TTC28: variants seen among roughly 807,000 people sequenced by gnomAD.
TTC28 encodes tetratricopeptide repeat domain 28.
A neutral mutation model predicts 198.0 loss-of-function variants in TTC28; 61 were observed. That is an observed-to-expected ratio of 0.31 (90% CI 0.25 to 0.38). TTC28 has a LOEUF of 0.38. TTC28 is among the 10% of genes least tolerant of loss of function. The pLI is 1.00. For synonymous variants in TTC28, 1,171 were observed against 1,297.8 expected (o/e 0.90, Z 2.10); for missense variants, 2,678 against 3,164.0 (o/e 0.85, Z 3.69).
At chr22:28,237,057 C>T (rs896725823) in intron 5 of TTC28, among the ~76,000 whole-genome samples, 4 of 152,082 alleles carry the variant, frequency 2.6e-5, no homozygotes, top group Non-Finnish European at 5.9e-5. Context: ...CTTTATCCTG[C>T]CTTCTTCTGG....
intron 5 of TTC28, among the ~76,000 whole-genome samples, chr22:28,200,637 C>A (rs1007262563): frequency 6.6e-6 from 1 of 152,082 alleles, no homozygotes; most frequent in Non-Finnish European, 1.5e-5. Flanking sequence ...GATAGCTCCA[C>A]TGAGAACATA....
chr22:28,468,545 C>T (rs1409322364), intron 2 of TTC28, among the ~76,000 whole-genome samples: 1 of 150,988 alleles, frequency 6.6e-6, no homozygotes, highest in African/African-American at 2.4e-5. Context: ...GAGACAGAGT[C>T]TCACTCTGTC....
At chr22:28,111,598 T>C (rs2146913285) in intron 6 of TTC28, among the ~76,000 whole-genome samples, 1 of 152,274 alleles carries the variant, frequency 6.6e-6, no homozygotes, top group Admixed American at 6.5e-5. Flanking sequence ...ATTTTTTAAA[T>C]TAGGGTCAAA....
chr22:28,524,530 C>T (rs2048972332), intron 2 of TTC28, among the ~76,000 whole-genome samples: 1 of 151,620 alleles, frequency 6.6e-6, no homozygotes. Flanking sequence ...AATCCCAGCA[C>T]TTTGGGAGGC....
intron 21 of TTC28, among the ~76,000 whole-genome samples, chr22:27,987,243 A>C (rs1169615368): frequency 6.6e-6 from 1 of 152,240 alleles, no homozygotes; most frequent in Middle Eastern, 3.2e-3. Context: ...TGGAACATCA[A>C]CTAAAGTCCC....
At chr22:28,457,309 C>T (rs1032258014) in intron 2 of TTC28, among the ~76,000 whole-genome samples, 1 of 152,166 alleles carries the variant, frequency 6.6e-6, no homozygotes, top group Admixed American at 6.5e-5. Context: ...CATCAACAAC[C>T]AGTGCATAAC....
At chr22:28,054,071 G>C (rs1940184494) in intron 12 of TTC28, among the ~76,000 whole-genome samples, 1 of 152,286 alleles carries the variant, frequency 6.6e-6, no homozygotes, top group Non-Finnish European at 1.5e-5. Flanking sequence ...ACCCCATATG[G>C]GGAAGAAAGG....
At chr22:28,451,223 G>A (rs936133617) in intron 2 of TTC28, among the ~76,000 whole-genome samples, 1 of 152,234 alleles carries the variant, frequency 6.6e-6, no homozygotes. Context: ...ACCAGACAGA[G>A]TGACGGGATA....
At chr22:28,440,301 A>G (rs1157170667) in intron 2 of TTC28, among the ~76,000 whole-genome samples, 2 of 152,118 alleles carry the variant, frequency 1.3e-5, no homozygotes, top group Non-Finnish European at 2.9e-5. Flanking sequence ...GAACATGATT[A>G]ATTTTGTTCT....
intron 2 of TTC28, among the ~76,000 whole-genome samples, chr22:28,536,220 A>AAC (rs1569007863): frequency 3.6e-5 from 3 of 82,360 alleles, no homozygotes; most frequent in African/African-American, 1.4e-4. Context: ...AAAAAAAAAA[A>AAC]CATAAAAATA....
At chr22:28,430,060 T>TA (rs2047409339) in intron 2 of TTC28, among the ~76,000 whole-genome samples, 3 of 148,462 alleles carry the variant, frequency 2.0e-5, no homozygotes, top group Middle Eastern at 3.4e-3. Context: ...TTTTTTTTTT[T>TA]AGTGAAGACT....
chr22:28,065,026 A>G (rs1423187670), intron 12 of TTC28, among the ~76,000 whole-genome samples: 2 of 152,202 alleles, frequency 1.3e-5, no homozygotes, highest in African/African-American at 4.8e-5. Context: ...GATACATTAT[A>G]CATAGGAATG....
chr22:28,184,739 T>G (rs149710389), intron 5 of TTC28, among the ~76,000 whole-genome samples: 2 of 152,226 alleles, frequency 1.3e-5, no homozygotes, highest in East Asian at 3.9e-4. Context: ...TTTTAAATTT[T>G]TCAGTGGTAT....
chr22:28,387,280 T>C (rs1453359520), intron 2 of TTC28, among the ~76,000 whole-genome samples: 1 of 152,208 alleles, frequency 6.6e-6, no homozygotes, highest in Non-Finnish European at 1.5e-5. Context: ...TCTTTGCTAT[T>C]GTGAATAATG....
chr22:28,390,622 T>G (rs1379573095), intron 2 of TTC28, among the ~76,000 whole-genome samples: 2 of 152,246 alleles, frequency 1.3e-5, no homozygotes, highest in African/African-American at 4.8e-5. Flanking sequence ...TCTTTTGATC[T>G]TTGCTGGTTT....
intron 12 of TTC28, among the ~76,000 whole-genome samples, chr22:28,083,723 C>A (rs1396725690): frequency 6.6e-6 from 1 of 152,182 alleles, no homozygotes; most frequent in African/African-American, 2.4e-5. Flanking sequence ...CATCGCTTCA[C>A]CAGGGAAGCA....
At chr22:28,328,095 CAT>C (rs1276378542) in intron 2 of TTC28, among the ~76,000 whole-genome samples, 2 of 152,028 alleles carry the variant, frequency 1.3e-5, no homozygotes, top group Non-Finnish European at 2.9e-5. Context: ...AGAAATAAAA[CAT>C]GTAATAAAGA....
chr22:28,456,602 A>C (rs546907429), intron 2 of TTC28, among the ~76,000 whole-genome samples: 2 of 152,250 alleles, frequency 1.3e-5, no homozygotes, highest in Admixed American at 1.3e-4. Flanking sequence ...TTTGAGACGA[A>C]GTCTCACTCT....
intron 1 of TTC28, among the ~76,000 whole-genome samples, chr22:28,639,345 T>G (rs571697791): frequency 2.0e-5 from 3 of 152,326 alleles, no homozygotes; most frequent in South Asian, 4.1e-4. Flanking sequence ...ACCAACAATT[T>G]ATGAGTGTAA....
Sources: gnomAD v4.1 joint callset for allele counts (sites outside exome capture counted in the v4.1 genomes callset) on GRCh38, gnomAD v4.1.1 for gene constraint, MANE v1.5 for transcripts, NCBI Gene and HGNC (gene_info 2026-07-23, HGNC 2026-07-21) for gene names.